BRD8: variants seen among roughly 807,000 people sequenced by gnomAD.
The protein encoded by BRD8 is bromodomain-containing protein 8.
In BRD8, 67 loss-of-function variants were observed where a neutral mutation model predicts 143.1. The observed-to-expected ratio is 0.47, with a 90% CI of 0.38 to 0.57. The LOEUF is 0.57. Among genes scored for constraint, BRD8 ranks in the 20% least tolerant of loss-of-function variants. The pLI is 0.00. For missense variants in BRD8, 1,103 were observed against 1,503.0 expected (o/e 0.73, Z 4.40); for synonymous variants, 505 against 517.1 (o/e 0.98, Z 0.32).
intron 20 of BRD8, chr5:138,156,881 G>A: frequency 9.3e-7 from 1 of 1,076,770 alleles, no homozygotes; most frequent in Non-Finnish European, 1.1e-6. Context: ...ACAAGCCAAA[G>A]GCTAGTTTTT....
intron 23 of BRD8, 34 bp downstream of exon 23, chr5:138,149,606 A>C: frequency 6.5e-7 from 1 of 1,541,398 alleles, no homozygotes; most frequent in Non-Finnish European, 8.7e-7. Context: ...AGAAGTACGA[A>C]TCTTAACAAA....
intron 13 of BRD8, 65 bp downstream of exon 13, chr5:138,164,255 C>T: frequency 2.5e-6 from 4 of 1,587,376 alleles, no homozygotes; most frequent in Non-Finnish European, 2.6e-6. Flanking sequence ...TACTTGCCCA[C>T]AACCCACAAC....
At chr5:138,173,115 T>C (rs1366334098) in intron 2 of BRD8, among the ~76,000 whole-genome samples, 1 of 152,168 alleles carries the variant, frequency 6.6e-6, no homozygotes, top group Non-Finnish European at 1.5e-5. Context: ...TATTTTTCTA[T>C]GGCTGGGCGT....
intron 25 of BRD8, among the ~76,000 whole-genome samples, chr5:138,144,913 A>AT (rs1561597933): frequency 2.1e-4 from 31 of 144,484 alleles, no homozygotes; most frequent in African/African-American, 6.5e-4. Flanking sequence ...AAAAAAAAAA[A>AT]AAAAAATATA....
In BRD8 at chr5:138,168,730, T is replaced by C. The variant is rs182223925; in HGVS notation, c.642+492A>G. ...AACCTTTATCTGACTTCTCAAACTA[T>C]GGAAGGTTCCCTACTAATCTGTATG... is the stretch of plus-strand genomic sequence containing the variant. On this transcript the variant is annotated intron_variant, in intron 8 of 26. Transcript: ENST00000254900. The C allele has an allele frequency of 5.8e-6, 6 of 1,035,772 alleles. No individual in the cohort carries two copies. In the South Asian group the frequency reaches 6.5e-5, roughly 11 times the overall value. The allele number at this position is 1,035,772 out of a possible 1,614,324, so 64.2% of individuals were successfully genotyped here. A position where few individuals can be genotyped will look rare whatever the true frequency, so the allele number is the denominator to read the frequency against.
At position 138,171,066 on chromosome 5, in the gene BRD8, C is replaced by A. The variant is rs1753827221; in HGVS notation, c.331G>T (p.Val111Leu). 5 of 1,613,896 alleles carry A rather than the reference C, an allele frequency of 3.1e-6. No individual in the cohort carries two copies. The East Asian group carries it at 1.1e-4, about 36-fold the overall frequency. The change falls in exon 5 of 27, where the codon GTG becomes TTG. Residue 111 changes from valine to leucine, a missense_variant. Coordinates refer to ENST00000254900, the MANE Select transcript of BRD8 (RefSeq NM_139199.2). ...TAERVEELKK[V>L]IKETQERYRR... The stretch of plus-strand genomic sequence containing the variant: ...TATCTCTCCTGGGTTTCCTTTATCA[C>A]TTTCTTTAGTTCTTCAACTCGCTCA...
intron 14 of BRD8, 164 bp from the exon 15 acceptor site, chr5:138,163,508 T>C: frequency 7.2e-7 from 1 of 1,397,408 alleles, no homozygotes; most frequent in Non-Finnish European, 9.6e-7. Context: ...TTACAGACAC[T>C]GCGTTAAGTA....
rs775197359 is a variant in BRD8 at position 138,161,819 on chromosome 5, A to C, written c.2226T>G (p.Pro742=). 3.3e-5 allele frequency: 53 copies of C among 1,614,060 alleles called. No homozygotes were observed. The highest frequency in any genetic ancestry group is 1.0e-4 in the Admixed American group (6 of 59,998). The change falls in exon 17 of 27, where the codon CCT becomes CCG. Residue 742 remains proline (P), a synonymous_variant. Coordinates refer to ENST00000254900, the MANE Select transcript of BRD8 (RefSeq NM_139199.2). ...FLQPVTDDIA[P]GYHSIVQRPM... is the part of the protein sequence containing the mutation. ...ACCTCTGCACAATGCTGTGGTAGCCAGGTGCTATGTCATCTGTAACAGGCT... is the reference window on the plus strand; with the variant it reads ...ACCTCTGCACAATGCTGTGGTAGCCCGGTGCTATGTCATCTGTAACAGGCT...
intron 11 of BRD8, among the ~76,000 whole-genome samples, chr5:138,165,594 C>T (rs1753338467): frequency 6.6e-6 from 1 of 152,042 alleles, no homozygotes; most frequent in Non-Finnish European, 1.5e-5. Context: ...GGCGTGGTGG[C>T]ATGTGCCTGT....
chr5:138,161,198 C>G (rs1352149732), intron 17 of BRD8, 130 bp from the exon 18 acceptor site: 1 of 640,060 alleles, frequency 1.6e-6, no homozygotes, highest in Non-Finnish European at 2.5e-6. Flanking sequence ...TAAATGCTAA[C>G]CCCTTATCCC....
At position 138,141,714 on chromosome 5, in the gene BRD8, AT is replaced by A. The variant is rs566986975; in HGVS notation, c.3438-833del. ...CTGCACAAATAAAAAGCTAAGAATA[AT>A]TTTTTTCTCCTTTCATGGAGATGAA... On this transcript the variant is annotated intron_variant, in intron 25 of 26. Coordinates refer to ENST00000254900, the MANE Select transcript of BRD8 (RefSeq NM_139199.2). 2.0e-3 allele frequency among the ~76,000 whole-genome samples: 310 copies of A among 152,276 alleles called. 2 individuals are homozygous for A. The highest frequency in any genetic ancestry group is 6.9e-3 in the African/African-American group (287 of 41,558).
chr5:138,170,226 A>T, intron 7 of BRD8, 119 bp downstream of exon 7: 1 of 758,804 alleles, frequency 1.3e-6, no homozygotes, highest in East Asian at 2.5e-5. Flanking sequence ...ATTCTGGTAG[A>T]AGAGAAAACT....
rs1003087859 is a variant in BRD8 at position 138,140,756 on chromosome 5, A to G, written c.3564T>C (p.His1188=). Residue 1188 remains histidine, a synonymous_variant, in exon 26 of 27, where the codon CAT becomes CAC. Coordinates refer to ENST00000254900, the MANE Select transcript of BRD8 (RefSeq NM_139199.2). ...NAVMYNDSDH[H]VYHMAVEMRQ... is the part of the protein sequence containing the mutation. ...GCATCTCCACAGCCATATGGTATAC[A>G]TGATGATCAGAGTCATTGTACATTA... The G allele has an allele frequency of 1.2e-6, 2 of 1,614,070 alleles. No homozygotes were observed. Among genetic ancestry groups the G allele is most frequent in the Non-Finnish European group, 1.7e-6 (2 of 1,180,038 alleles).
chr5:138,149,235 C>T (rs904432883), intron 23 of BRD8, among the ~76,000 whole-genome samples: 1 of 151,914 alleles, frequency 6.6e-6, no homozygotes, highest in African/African-American at 2.4e-5. Flanking sequence ...CCTCAGCTTC[C>T]GGAGTACCTG....
intron 20 of BRD8, among the ~76,000 whole-genome samples, chr5:138,156,289 G>A (rs1408216658): frequency 1.3e-5 from 2 of 151,940 alleles, no homozygotes; most frequent in East Asian, 1.9e-4. Context: ...ACAGACATGC[G>A]CCACCACGCC....
At chr5:138,140,630 C>T in intron 26 of BRD8, 75 bp downstream of exon 26, 1 of 1,473,860 alleles carries the variant, frequency 6.8e-7, no homozygotes, top group Admixed American at 1.7e-5. Context: ...AACACAGTCA[C>T]CTCGAAATCA....
chr5:138,173,855 T>G (rs1333698939), intron 2 of BRD8, among the ~76,000 whole-genome samples: 2 of 152,152 alleles, frequency 1.3e-5, no homozygotes, highest in Non-Finnish European at 2.9e-5. Context: ...GCTAGTATTT[T>G]TGTGTTTTTT....
At chr5:138,158,564 G>A (rs1198658340) in intron 20 of BRD8, among the ~76,000 whole-genome samples, 11 of 151,060 alleles carry the variant, frequency 7.3e-5, no homozygotes, top group African/African-American at 2.4e-4. Flanking sequence ...TTAGCCTCCC[G>A]AGTAGCTGGG....
chr5:138,144,933 A>ATATATG (rs1752089340), intron 25 of BRD8, among the ~76,000 whole-genome samples: 1 of 148,602 alleles, frequency 6.7e-6, no homozygotes, highest in African/African-American at 2.5e-5. Flanking sequence ...ATATATATAT[A>ATATATG]GAATGGATCA....
Sources: gnomAD v4.1 joint callset for allele counts (sites outside exome capture counted in the v4.1 genomes callset) on GRCh38, gnomAD v4.1.1 for gene constraint, MANE v1.5 for transcripts, NCBI Gene and HGNC (gene_info 2026-07-23, HGNC 2026-07-21) for gene names.